Variants in RAPGEF3 observed in about 807,000 individuals in gnomAD.
RAPGEF3 encodes the protein Rap guanine nucleotide exchange factor 3.
RAPGEF3 carries 103 observed loss-of-function variants against 129.8 expected under a neutral mutation model. That is an observed-to-expected ratio of 0.79 (90% confidence interval 0.68 to 0.93). The LOEUF (loss-of-function observed/expected upper bound fraction) is 0.93. Among genes scored for constraint, RAPGEF3 ranks in the 40% least tolerant of loss-of-function variants. RAPGEF3 has a pLI of 0.00. For missense variants in RAPGEF3, 1,117 were observed against 1,207.4 expected (o/e 0.93, Z 1.11); for synonymous variants, 436 against 482.6 (o/e 0.90, Z 1.26).
chr12:47,747,120 A>C (rs1941466903), intron 15 of RAPGEF3, among the ~76,000 whole-genome samples: 1 of 152,192 alleles, frequency 6.6e-6, no homozygotes, highest in African/African-American at 2.4e-5. Flanking sequence ...AGTTAAAGGC[A>C]GATGCAGACC....
intron 20 of RAPGEF3, 32 bp from the exon 21 acceptor site, chr12:47,740,855 T>C (rs1411303473): frequency 6.2e-7 from 1 of 1,613,434 alleles, no homozygotes. Context: ...GGTCAGCGAG[T>C]GCTGAGCCGA....
At position 47,737,704 on chromosome 12, in the gene RAPGEF3, C is replaced by A. The variant is rs1346427089; in HGVS notation, c.2654-19G>T. Reference sequence around the variant, plus strand: ...TCCGAGCCTGGTGGAGGAGAGTAGTCAGGGAGGCACTGATGCCCCTTTGTG... The same window carrying A: ...TCCGAGCCTGGTGGAGGAGAGTAGTAAGGGAGGCACTGATGCCCCTTTGTG... On this transcript the variant is annotated intron_variant, in intron 27 of 27. Coordinates refer to ENST00000449771, the MANE Select transcript of RAPGEF3 (RefSeq NM_001098531.4). 1.2e-6 allele frequency: 2 copies of A among 1,605,830 alleles called. No individual in the cohort carries two copies. The highest frequency in any genetic ancestry group is 1.7e-6 in the Non-Finnish European group (2 of 1,173,794).
intron 7 of RAPGEF3, 86 bp downstream of exon 7, chr12:47,750,255 C>G: frequency 1.4e-6 from 2 of 1,401,874 alleles, no homozygotes. Context: ...GAGAAATGCC[C>G]TCTGGCCCAG....
intron 1 of RAPGEF3, 47 bp downstream of exon 1, chr12:47,758,504 T>TCCCG (rs771000233): frequency 1.0e-5 from 16 of 1,602,310 alleles, no homozygotes; most frequent in Non-Finnish European, 1.2e-5. Flanking sequence ...CAGCTTCCTC[T>TCCCG]CCCGCCCTCT....
At chr12:47,750,942 C>T (rs1157248823) in intron 6 of RAPGEF3, 106 bp downstream of exon 6, 29 of 1,467,666 alleles carry the variant, frequency 2.0e-5, no homozygotes, top group Non-Finnish European at 2.5e-5. Flanking sequence ...AGGTTCCCTT[C>T]CCTCCACAAC....
In RAPGEF3 at chr12:47,749,581, G is replaced by A. The variant is rs369188173; in HGVS notation, c.895-45C>T. 118 of 1,333,744 alleles carry A rather than the reference G, an allele frequency of 8.8e-5. No homozygotes were observed. Among genetic ancestry groups the A allele is most frequent in the South Asian group, 6.2e-4 (52 of 83,482 alleles). 82.6% of individuals were successfully genotyped at this position (1,333,744 alleles called of 1,614,324 possible). A position where few individuals can be genotyped will look rare whatever the true frequency, so the allele number is the denominator to read the frequency against. On this transcript the variant is annotated intron_variant, in intron 9 of 27. Coordinates refer to ENST00000449771, the MANE Select transcript of RAPGEF3 (RefSeq NM_001098531.4). This position sits in a 1 kb window ranked among gnomAD's most constrained non-coding sequence, Gnocchi z 4.5. ...TCAGCCCGCCCCTGCCGCCCCTGCC[G>A]CCCCCAGCTCTTGCCAGGACAGACC...
rs540490433 is a variant in RAPGEF3, at chr12:47,758,561, C to G, written c.-5G>C. 1.8e-5 allele frequency: 29 copies of G among 1,613,930 alleles called. No individual in the cohort carries two copies. The South Asian group carries it at 3.2e-4, about 18-fold the overall frequency. ...CCCCACCTTACCCACCTTCATGTTT[C>G]TTTTCAAGCTCGCACAGCCGTGCAG... On this transcript the variant is annotated 5_prime_UTR_variant, in exon 1 of 28. Transcript: ENST00000449771.
At chr12:47,757,239 C>T (rs1942127856) in intron 2 of RAPGEF3, among the ~76,000 whole-genome samples, 1 of 152,112 alleles carries the variant, frequency 6.6e-6, no homozygotes. Context: ...ATCTTGCCTC[C>T]CAAATCCCAC....
chr12:47,752,097 CCTT>C, intron 2 of RAPGEF3, 128 bp from the exon 3 acceptor site: 1 of 957,168 alleles, frequency 1.0e-6, no homozygotes, highest in Admixed American at 2.0e-5. Flanking sequence ...TGTGGCCACT[CCTT>C]CAGCAAATAA....
rs768629246 is a variant in RAPGEF3 at position 47,741,580 on chromosome 12, A to G, written c.1848T>C (p.Asp616=). 2 of 1,613,970 alleles carry G rather than the reference A, an allele frequency of 1.2e-6. No homozygotes were observed. The highest frequency in any genetic ancestry group is 1.3e-5 in the African/African-American group (1 of 74,938). The change falls in exon 19 of 28, where the codon GAT becomes GAC. Residue 616 remains aspartate, a synonymous_variant. Transcript: ENST00000449771. ...CCAGAGATGTGGCCACACCACGGGCATCTGGCTGCAGGCCAATGGCATCTG... is the reference window on the plus strand; with the variant it reads ...CCAGAGATGTGGCCACACCACGGGCGTCTGGCTGCAGGCCAATGGCATCTG... The part of the protein sequence containing the change: ...SAGDAIGLQP[D]ARGVATSLGL...
intron 1 of RAPGEF3, 141 bp from the exon 2 acceptor site, chr12:47,758,219 G>T (rs1279025290): frequency 6.3e-6 from 9 of 1,436,574 alleles, no homozygotes; most frequent in Middle Eastern, 2.6e-4. Context: ...GCCAGGAGCT[G>T]GGGGGAGGAA....
chr12:47,754,871 G>A lies in RAPGEF3; in HGVS notation c.220-2902C>T, dbSNP rs142658257. Among the ~76,000 whole-genome samples, 18 of 152,298 alleles carry A rather than the reference G, an allele frequency of 1.2e-4. No individual in the cohort carries two copies. In the East Asian group the frequency reaches 1.9e-3, roughly 16 times the overall value. On this transcript the variant is annotated intron_variant, in intron 2 of 27. Coordinates refer to ENST00000449771, the MANE Select transcript of RAPGEF3 (RefSeq NM_001098531.4). ...TTCCTGAACAGAAAGGGTTCAGGGC[G>A]GAAGAGGAGGCACTAACTCCCCTGG...
At chr12:47,748,394 C>T in intron 12 of RAPGEF3, 60 bp downstream of exon 12, 1 of 1,498,862 alleles carries the variant, frequency 6.7e-7, no homozygotes, top group Non-Finnish European at 9.2e-7. Context: ...CTGGCTCTCT[C>T]CCAGGCTCCA....
chr12:47,738,055 G>T lies in RAPGEF3; in HGVS notation c.2620C>A (p.His874Asn), dbSNP rs1200953197. ...ATCCTCGCCACCTGGCTGTCCTCGTGGAGGTGGGAAACTCGGCTTCTGAGT... is the reference window on the plus strand; with the variant it reads ...ATCCTCGCCACCTGGCTGTCCTCGTTGAGGTGGGAAACTCGGCTTCTGAGT... ...SPLRSRVSHL[H>N]EDSQVARIST... is the part of the protein sequence containing the mutation. The change falls in exon 27 of 28, where the codon CAC (histidine) becomes AAC (asparagine). Residue 874 changes from histidine (H) to asparagine (N), a missense_variant. This residue lies in a region of RAPGEF3 where 643 missense variants were observed against 673.4 expected (regional missense o/e 0.95). Coordinates refer to ENST00000449771, the MANE Select transcript of RAPGEF3 (RefSeq NM_001098531.4). 3.7e-6 allele frequency: 6 copies of T among 1,613,940 alleles called. No individual in the cohort carries two copies. The highest frequency in any genetic ancestry group is 2.7e-5 in the African/African-American group (2 of 74,898).
chr12:47,744,296 CGT>C (rs892839363), intron 16 of RAPGEF3: 13 of 566,608 alleles, frequency 2.3e-5, no homozygotes, highest in Admixed American at 3.2e-5. Flanking sequence ...CATGCCCCTC[CGT>C]GTGTGTGTGC....
chr12:47,735,668 G>A lies in RAPGEF3; in HGVS notation c.*1899C>T, dbSNP rs1366618702. ...GAGGGAGAAGTCCCATCAGGACGTA[G>A]ATGTGACCAGAGGAGAAATGCTGGT... On this transcript the variant is annotated 3_prime_UTR_variant, in exon 28 of 28. Transcript: ENST00000449771. The A allele has an allele frequency of 6.6e-6, 1 of 152,596 alleles. No homozygotes were observed. The highest frequency in any genetic ancestry group is 1.5e-5 in the Non-Finnish European group (1 of 68,332). The allele number at this position is 152,596 out of a possible 1,614,324, so 9.5% of individuals were successfully genotyped here.
Position 47,751,119 on chromosome 12 carries a change from C to T in RAPGEF3, c.600G>A (p.Glu200=). Residue 200 remains glutamate (E), a synonymous_variant, in exon 6 of 28, where the codon GAG becomes GAA. Transcript: ENST00000449771. ...EPVRTHEMEE[E]LAEAVALLSQ... ...AGAGCAGGGCCACAGCTTCGGCCAA[C>T]TCCTCCTCCATCTCATGAGTTCTCA... is the stretch of plus-strand genomic sequence containing the variant. The T allele has an allele frequency of 6.3e-7, 1 of 1,579,744 alleles. No individual in the cohort carries two copies. The highest frequency in any genetic ancestry group is 1.2e-5 in the South Asian group (1 of 86,042).
intron 18 of RAPGEF3, among the ~76,000 whole-genome samples, chr12:47,742,662 C>CT (rs1417752449): frequency 1.7e-4 from 26 of 152,172 alleles, no homozygotes. Flanking sequence ...GTGCTAAGTG[C>CT]TTTACACACA....
chr12:47,743,603 C>G lies in RAPGEF3; in HGVS notation c.1752G>C (p.Glu584Asp), dbSNP rs1038566929. The change falls in exon 18 of 28, where the codon GAG becomes GAC. Residue 584 changes from glutamate (E) to aspartate (D), a missense_variant. By Grantham distance (45) the Glu-to-Asp change is conservative. Transcript: ENST00000449771. Reference sequence around the variant, plus strand: ...CCTCCTGGGCCAACGCTGCCATCACCTCTCTCACGGAGGCTGTCACAGGCA... The same window carrying G: ...CCTCCTGGGCCAACGCTGCCATCACGTCTCTCACGGAGGCTGTCACAGGCA... ...LQLPVTASVR[E>D]VMAALAQEDG... is the part of the protein sequence containing the mutation. 1.2e-6 allele frequency: 2 copies of G among 1,614,174 alleles called. No homozygotes were observed. Among genetic ancestry groups the G allele is most frequent in the Non-Finnish European group, 1.7e-6 (2 of 1,179,998 alleles).
Sources: gnomAD v4.1 joint callset for allele counts (sites outside exome capture counted in the v4.1 genomes callset) on GRCh38, gnomAD v4.1.1 for gene constraint, gnomAD v4.1.1 regional missense constraint, Gnocchi (gnomAD v3.1) non-coding constraint, MANE v1.5 for transcripts, NCBI Gene and HGNC (gene_info 2026-07-23, HGNC 2026-07-21) for gene names.